RP1: variants seen among roughly 807,000 people sequenced by gnomAD.
The protein encoded by RP1 is oxygen-regulated protein 1.
RP1 carries 16 observed loss-of-function variants against 14.8 expected under a neutral mutation model. The observed-to-expected ratio is 1.08, with a 90% CI of 0.73 to 1.65. RP1 has a LOEUF of 1.65. RP1 is among the 40% of genes most tolerant of loss of function. The pLI is 0.00. For missense variants in RP1, 2,631 were observed against 2,535.0 expected, an observed-to-expected ratio of 1.04 and a Z score of -0.81; for synonymous variants, 876 against 883.6, an observed-to-expected ratio of 0.99 and a Z score of 0.15.
chr8:54,584,350 A>G (rs925271543), intron 1 of RP1, among the ~76,000 whole-genome samples: 1 of 152,176 alleles, frequency 6.6e-6, no homozygotes, highest in African/African-American at 2.4e-5. Flanking sequence ...GTTTGATTGC[A>G]CTGTGGTCTG....
chr8:54,775,972 G>A (rs1274066062), intron 23 of RP1, among the ~76,000 whole-genome samples: 1 of 152,142 alleles, frequency 6.6e-6, no homozygotes, highest in African/African-American at 2.4e-5. Context: ...TGTACTTGCA[G>A]GTCCTACATC....
At chr8:54,685,136 G>A (rs1364540027) in intron 12 of RP1, among the ~76,000 whole-genome samples, 2 of 151,962 alleles carry the variant, frequency 1.3e-5, no homozygotes, top group South Asian at 2.1e-4. Flanking sequence ...TTTTTTGAAG[G>A]GTTTTTTATG....
chr8:54,629,743 A>G lies in RP1; in HGVS notation c.5861A>G (p.Lys1954Arg). 1 of 1,611,406 alleles carries G rather than the reference A, an allele frequency of 6.2e-7. No homozygotes were observed. The highest frequency in any genetic ancestry group is 8.5e-7 in the Non-Finnish European group (1 of 1,178,678). Residue 1954 changes from lysine to arginine, a missense_variant, in exon 4 of 4, where the codon AAA becomes AGA. Transcript: ENST00000220676. ...TTCTTGGGTTTTTATTTATGGATGA[A>G]AATACACCCATATTTACTTCAGACA... ...ENFLGFYLWM[K>R]IHPYLLQTDK...
chr8:54,859,895 G>T (rs1454503811), intron 27 of RP1, among the ~76,000 whole-genome samples: 1 of 152,132 alleles, frequency 6.6e-6, no homozygotes, highest in Non-Finnish European at 1.5e-5. Flanking sequence ...ACAGTTAGTA[G>T]AACCCCCAGA....
intron 26 of RP1, among the ~76,000 whole-genome samples, chr8:54,854,191 A>G (rs1224677360): frequency 1.3e-5 from 2 of 152,210 alleles, no homozygotes; most frequent in African/African-American, 4.8e-5. Flanking sequence ...GCAGTCAAAT[A>G]CACCTAAAAT....
intron 12 of RP1, among the ~76,000 whole-genome samples, chr8:54,683,160 A>G (rs190808251): frequency 1.1e-4 from 16 of 152,184 alleles, no homozygotes; most frequent in Admixed American, 9.8e-4. Context: ...TGGTCTATAT[A>G]TATCTGTTTT....
At chr8:54,834,624 G>A (rs1032811487) in intron 24 of RP1, among the ~76,000 whole-genome samples, 2 of 135,288 alleles carry the variant, frequency 1.5e-5, no homozygotes, top group African/African-American at 5.2e-5. Context: ...TAGAGGAGAA[G>A]AGTATCATTT....
intron 7 of RP1, among the ~76,000 whole-genome samples, chr8:54,673,453 T>G (rs1400981271): frequency 6.6e-6 from 1 of 152,196 alleles, no homozygotes; most frequent in Non-Finnish European, 1.5e-5. Context: ...CAATCAATTT[T>G]TACTGGCTGG....
At chr8:54,597,998 T>C (rs1245786425) in intron 1 of RP1, among the ~76,000 whole-genome samples, 1 of 152,124 alleles carries the variant, frequency 6.6e-6, no homozygotes, top group East Asian at 1.9e-4. Flanking sequence ...TACCCCTTTA[T>C]GGCCATACAT....
chr8:54,642,706 T>A (rs1475697152), intron 3 of RP1, among the ~76,000 whole-genome samples: 6 of 152,158 alleles, frequency 3.9e-5, no homozygotes, highest in African/African-American at 2.4e-5. Flanking sequence ...GGCGTCGTTC[T>A]GAGTATATTT....
rs759707480 is a variant in RP1, at chr8:54,627,080, G to A, written c.3198G>A (p.Glu1066=). Residue 1066 remains glutamate (E), a synonymous_variant, in exon 4 of 4, where the codon GAG becomes GAA. Coordinates refer to ENST00000220676, the MANE Select transcript of RP1 (RefSeq NM_006269.2). ...INLARKRQSV[E]AAIQVDPIEE... is the part of the protein sequence containing the mutation. ...TAGCTAGAAAAAGGCAAAGTGTAGA[G>A]GCTGCCATTCAAGTAGATCCTATAG... is the stretch of plus-strand genomic sequence containing the variant. 168 of 1,613,886 alleles carry A rather than the reference G, an allele frequency of 1.0e-4. No homozygotes were observed. Among genetic ancestry groups the A allele is most frequent in the Non-Finnish European group, 1.4e-4 (167 of 1,179,972 alleles).
intron 8 of RP1, chr8:54,678,435 A>G (rs1249541328): frequency 1.2e-5 from 19 of 1,521,026 alleles, no homozygotes; most frequent in Non-Finnish European, 1.6e-5. Flanking sequence ...TTCATATCAC[A>G]TTTTCATTCT....
exon 15 of RP1, chr8:54,706,642 G>C: frequency 6.5e-7 from 1 of 1,536,014 alleles, no homozygotes; most frequent in African/African-American, 1.4e-5. Context: ...AAGGATGGCC[G>C]ATGCGATGGA....
chr8:54,698,063 C>T (rs1381300619), intron 12 of RP1, among the ~76,000 whole-genome samples: 1 of 152,202 alleles, frequency 6.6e-6, no homozygotes, highest in Non-Finnish European at 1.5e-5. Context: ...AGCTAAAGAG[C>T]TTCTGCACAG....
At chr8:54,852,874 A>G (rs1240133658) in intron 26 of RP1, 2 of 533,436 alleles carry the variant, frequency 3.7e-6, no homozygotes, top group Non-Finnish European at 5.7e-6. Flanking sequence ...CTTAGTGTGC[A>G]TGTTATTGTT....
intron 12 of RP1, chr8:54,696,417 G>GA (rs1563350578): frequency 4.2e-6 from 3 of 716,076 alleles, no homozygotes; most frequent in Non-Finnish European, 7.3e-6. Context: ...CAAGAGCAAA[G>GA]AAAAAATCCC....
chr8:54,771,067 G>A (rs1809886841), downstream of RP1, among the ~76,000 whole-genome samples: 1 of 151,960 alleles, frequency 6.6e-6, no homozygotes, highest in Admixed American at 6.5e-5. Context: ...GATGAGGATG[G>A]CTACTGAGAC....
At chr8:54,581,715 G>C (rs1395759474) in intron 1 of RP1, among the ~76,000 whole-genome samples, 1 of 152,118 alleles carries the variant, frequency 6.6e-6, no homozygotes, top group African/African-American at 2.4e-5. Context: ...GTGTGAGATG[G>C]TATCTCATTG....
At position 54,628,938 on chromosome 8, in the gene RP1, G is replaced by T; in HGVS notation, c.5056G>T (p.Val1686Leu). ...EGQSFGSSEQ[V>L]SSSSSMLQEF... is the part of the protein sequence containing the mutation. ...GCAGTCATTTGGCTCTTCTGAACAG[G>T]TATCTAGTAGTTCATCTATGTTGCA... Residue 1686 changes from valine to leucine, a missense_variant, in exon 4 of 4, where the codon GTA becomes TTA. Physicochemically the swap from Val to Leu is conservative, Grantham distance 32. Coordinates refer to ENST00000220676, the MANE Select transcript of RP1 (RefSeq NM_006269.2). The T allele has an allele frequency of 6.2e-7, 1 of 1,614,002 alleles. No homozygotes were observed. The highest frequency in any genetic ancestry group is 1.1e-5 in the South Asian group (1 of 91,070).
Sources: allele counts gnomAD v4.1 joint callset (sites outside exome capture counted in the v4.1 genomes callset), GRCh38; gene constraint gnomAD v4.1.1; transcripts MANE v1.5; gene names NCBI Gene and HGNC (gene_info 2026-07-23, HGNC 2026-07-21).